TAFA4: variants seen among roughly 807,000 people sequenced by gnomAD.
TAFA4 encodes the protein TAFA chemokine like family member 4.
A neutral mutation model predicts 21.1 loss-of-function variants in TAFA4; 20 were observed. The ratio of observed to expected loss-of-function variants is 0.95; its 90% CI spans 0.67 to 1.38. The LOEUF (loss-of-function observed/expected upper bound fraction) is 1.38, where lower values mean the gene tolerates loss of function less well. Ranked by LOEUF, TAFA4 falls within the 40% of genes most tolerant of loss-of-function variation. The pLI is 0.00. For missense variants in TAFA4, 211 were observed against 180.9 expected (o/e 1.17, Z -0.95); for synonymous variants, 71 against 67.4 (o/e 1.05, Z -0.26).
intron 3 of TAFA4, among the ~76,000 whole-genome samples, chr3:68,754,538 G>A (rs1702622437): frequency 6.6e-6 from 1 of 152,150 alleles, no homozygotes; most frequent in Non-Finnish European, 1.5e-5. Flanking sequence ...ATCATATCAG[G>A]AAACACCCAA....
At chr3:68,739,307 A>C (rs1431411901) in intron 4 of TAFA4, 108 bp from the exon 5 acceptor site, 1 of 1,329,846 alleles carries the variant, frequency 7.5e-7, no homozygotes, top group Non-Finnish European at 1.0e-6. Flanking sequence ...ATTGCTATTA[A>C]ATTTACGGTT....
In TAFA4 at chr3:68,732,184, CA is replaced by C. The variant is rs1187952435; in HGVS notation, c.*957del. Reference sequence around the variant, plus strand: ...TTTTAAAGAAATAAGATGGCTAACACAGAAGTCACAGAAGTAGGGAAACAGC... The same window carrying C: ...TTTTAAAGAAATAAGATGGCTAACACGAAGTCACAGAAGTAGGGAAACAGC... On this transcript the variant is annotated 3_prime_UTR_variant, in exon 6 of 6. Coordinates refer to ENST00000295569, the MANE Select transcript of TAFA4 (RefSeq NM_182522.5). 6.6e-6 allele frequency: 1 copy of C among 152,566 alleles called. No homozygotes were observed. The highest frequency in any genetic ancestry group is 2.4e-5 in the African/African-American group (1 of 41,514). The allele number at this position is 152,566 out of a possible 1,614,324, so 9.5% of individuals were successfully genotyped here.
intron 1 of TAFA4, among the ~76,000 whole-genome samples, chr3:68,918,100 G>A (rs1276432037): frequency 2.7e-5 from 4 of 150,690 alleles, no homozygotes; most frequent in African/African-American, 9.8e-5. Flanking sequence ...CAACATTTGA[G>A]ACTTAAATAA....
At chr3:68,795,001 TACACACACAC>T (rs3048125) in intron 3 of TAFA4, among the ~76,000 whole-genome samples, 11 of 143,978 alleles carry the variant, frequency 7.6e-5, no homozygotes, top group East Asian at 4.1e-4. Context: ...TGTGTCTCAA[TACACACACAC>T]ACACACACAC....
At chr3:68,755,216 G>A (rs1702638923) in intron 3 of TAFA4, among the ~76,000 whole-genome samples, 1 of 152,162 alleles carries the variant, frequency 6.6e-6, no homozygotes, top group South Asian at 2.1e-4. Context: ...TGATAAAGTA[G>A]TTTCTGTATT....
At chr3:68,892,373 A>G (rs2106967379) in intron 1 of TAFA4, among the ~76,000 whole-genome samples, 1 of 152,294 alleles carries the variant, frequency 6.6e-6, no homozygotes, top group South Asian at 2.1e-4. Context: ...TTTTAATTTC[A>G]AGTGTTACCA....
In TAFA4 at chr3:68,756,647, G is replaced by A. The variant is rs367747991; in HGVS notation, c.131-3629C>T. ...ATTACTGGTGAGAACAAATGCTAAG[G>A]CGAAGTTTCATTTGTAAAATGCACA... On this transcript the variant is annotated intron_variant, in intron 3 of 5. Coordinates refer to ENST00000295569, the MANE Select transcript of TAFA4 (RefSeq NM_182522.5). Among the ~76,000 whole-genome samples the A allele has an allele frequency of 6.0e-4, 91 of 152,260 alleles. No individual in the cohort carries two copies. In the South Asian group the frequency reaches 6.2e-3, roughly 10 times the overall value.
chr3:68,898,953 G>A (rs574000009), intron 1 of TAFA4, among the ~76,000 whole-genome samples: 10 of 101,996 alleles, frequency 9.8e-5, no homozygotes, highest in Admixed American at 9.0e-4. Context: ...AAGTAGGGTA[G>A]TAAGTGGTCA....
At chr3:68,773,679 T>G (rs186502991) in intron 3 of TAFA4, among the ~76,000 whole-genome samples, 1 of 152,198 alleles carries the variant, frequency 6.6e-6, no homozygotes, top group African/African-American at 2.4e-5. Context: ...TTCCAAGGGT[T>G]TTCAAAGCTG....
intron 3 of TAFA4, among the ~76,000 whole-genome samples, chr3:68,868,374 C>CA (rs2089443598): frequency 1.3e-5 from 2 of 151,934 alleles, no homozygotes; most frequent in Non-Finnish European, 2.9e-5. Context: ...AAAGAAACAT[C>CA]AGAGTTAAAC....
At chr3:68,892,156 G>C (rs1011046350) in intron 1 of TAFA4, among the ~76,000 whole-genome samples, 2 of 152,122 alleles carry the variant, frequency 1.3e-5, no homozygotes, top group African/African-American at 4.8e-5. Context: ...GTAATTTAGA[G>C]AGTATTCATT....
At chr3:68,870,075 A>G (rs1187547745) in intron 3 of TAFA4, among the ~76,000 whole-genome samples, 1 of 152,118 alleles carries the variant, frequency 6.6e-6, no homozygotes, top group African/African-American at 2.4e-5. Flanking sequence ...CTGAAAAAGT[A>G]ATCAAGGCAC....
At chr3:68,891,920 C>T (rs1226984270) in intron 1 of TAFA4, among the ~76,000 whole-genome samples, 1 of 152,178 alleles carries the variant, frequency 6.6e-6, no homozygotes, top group Admixed American at 6.5e-5. Flanking sequence ...CTGCAAACAG[C>T]TTTTCCACCA....
intron 3 of TAFA4, among the ~76,000 whole-genome samples, chr3:68,807,804 A>C (rs991719964): frequency 2.6e-5 from 4 of 152,174 alleles, no homozygotes; most frequent in Admixed American, 6.5e-5. Context: ...TATTAAGTTC[A>C]CCAACCTAAC....
chr3:68,797,720 C>A (rs1703479886), intron 3 of TAFA4, among the ~76,000 whole-genome samples: 1 of 150,780 alleles, frequency 6.6e-6, no homozygotes, highest in Non-Finnish European at 1.5e-5. Flanking sequence ...AAGAAAAATA[C>A]CATACGAGGT....
intron 3 of TAFA4, among the ~76,000 whole-genome samples, chr3:68,800,592 C>T (rs965496827): frequency 2.0e-5 from 3 of 152,202 alleles, no homozygotes; most frequent in African/African-American, 7.2e-5. Flanking sequence ...CAAGCAACTG[C>T]CCCAACTTAG....
intron 3 of TAFA4, among the ~76,000 whole-genome samples, chr3:68,873,661 A>G (rs1449122220): frequency 2.0e-5 from 3 of 152,162 alleles, no homozygotes; most frequent in Non-Finnish European, 4.4e-5. Flanking sequence ...CAACATGTTC[A>G]CATGTTCATT....
At chr3:68,829,574 G>A (rs1343093561) in intron 3 of TAFA4, among the ~76,000 whole-genome samples, 1 of 152,196 alleles carries the variant, frequency 6.6e-6, no homozygotes, top group Non-Finnish European at 1.5e-5. Flanking sequence ...TTGATGTGCT[G>A]CTGGATTCGG....
At chr3:68,766,374 TACC>T (rs902861321) in intron 3 of TAFA4, among the ~76,000 whole-genome samples, 3 of 151,730 alleles carry the variant, frequency 2.0e-5, no homozygotes, top group African/African-American at 7.3e-5. Flanking sequence ...TAAAAAAAAA[TACC>T]ACACATCAAA....
Sources: gnomAD v4.1 joint callset for allele counts (sites outside exome capture counted in the v4.1 genomes callset) on GRCh38, gnomAD v4.1.1 for gene constraint, MANE v1.5 for transcripts, NCBI Gene and HGNC (gene_info 2026-07-23, HGNC 2026-07-21) for gene names.